Variants in C8orf34 observed in about 807,000 individuals in gnomAD.
The protein encoded by C8orf34 is uncharacterized protein C8orf34.
C8orf34 carries 65 observed loss-of-function variants against 68.3 expected under a neutral mutation model. That is an observed-to-expected ratio of 0.95 (90% CI 0.78 to 1.17). C8orf34 has a LOEUF of 1.17. C8orf34 is among the 50% of genes most tolerant of loss of function. The pLI is 0.00. For missense variants in C8orf34, 664 were observed against 655.4 expected (o/e 1.01, Z -0.14); for synonymous variants, 244 against 241.2 (o/e 1.01, Z -0.11).
chr8:68,355,766 G>A (rs1358551714), intron 1 of C8orf34, among the ~76,000 whole-genome samples: 1 of 152,180 alleles, frequency 6.6e-6, no homozygotes, highest in Non-Finnish European at 1.5e-5. Context: ...AGCCTAGCTT[G>A]CTCCTGCATC....
chr8:68,525,640 C>T, intron 6 of C8orf34: 1 of 726,070 alleles, frequency 1.4e-6, no homozygotes, highest in Non-Finnish European at 2.5e-6. Context: ...GCAGATTATG[C>T]TGCCATTTTT....
intron 8 of C8orf34, among the ~76,000 whole-genome samples, chr8:68,664,100 G>C (rs1819766681): frequency 6.6e-6 from 1 of 152,128 alleles, no homozygotes; most frequent in Non-Finnish European, 1.5e-5. Flanking sequence ...AATGAGCACA[G>C]ACATTTGGGT....
intron 3 of C8orf34, among the ~76,000 whole-genome samples, chr8:68,451,706 A>G (rs1267911300): frequency 2.6e-5 from 4 of 152,062 alleles, no homozygotes; most frequent in Non-Finnish European, 5.9e-5. Flanking sequence ...AGTAATATCA[A>G]AGATCACTGA....
intron 8 of C8orf34, among the ~76,000 whole-genome samples, chr8:68,667,323 G>C (rs1370782809): frequency 6.6e-6 from 1 of 152,054 alleles, no homozygotes; most frequent in Non-Finnish European, 1.5e-5. Flanking sequence ...AGAATCAAAG[G>C]TTCTCAAATT....
chr8:68,438,138 T>G (rs1810740894), intron 1 of C8orf34: 1 of 152,120 alleles, frequency 6.6e-6, no homozygotes, highest in Non-Finnish European at 1.5e-5. Flanking sequence ...ATTCATTCAA[T>G]AGGTATTGAT....
intron 1 of C8orf34, among the ~76,000 whole-genome samples, chr8:68,346,580 C>T (rs1027935141): frequency 6.6e-6 from 1 of 151,996 alleles, no homozygotes; most frequent in African/African-American, 2.4e-5. Flanking sequence ...TCCTAAAATC[C>T]TCTGTGTTTT....
At chr8:68,588,191 C>T (rs559497568) in intron 7 of C8orf34, among the ~76,000 whole-genome samples, 65 of 152,084 alleles carry the variant, frequency 4.3e-4, no homozygotes, top group Admixed American at 1.6e-3. Context: ...TCTGTTAGCT[C>T]GAACCTGTGT....
intron 13 of C8orf34, among the ~76,000 whole-genome samples, chr8:68,816,994 T>A (rs1824840295): frequency 2.0e-5 from 3 of 152,200 alleles, no homozygotes; most frequent in Admixed American, 2.0e-4. Context: ...AAGTGTGCTT[T>A]GTATGACATA....
chr8:68,755,996 G>A (rs1822847543), intron 10 of C8orf34, among the ~76,000 whole-genome samples: 1 of 152,038 alleles, frequency 6.6e-6, no homozygotes, highest in Non-Finnish European at 1.5e-5. Context: ...GAACCCGGGA[G>A]GCGGAGCTTG....
chr8:68,588,173 T>A (rs1817263953), intron 7 of C8orf34, among the ~76,000 whole-genome samples: 1 of 152,120 alleles, frequency 6.6e-6, no homozygotes, highest in Admixed American at 6.6e-5. Flanking sequence ...TTAAGGGAAA[T>A]CTAGTTGTCT....
chr8:68,646,642 C>T (rs1819182028), intron 8 of C8orf34, among the ~76,000 whole-genome samples: 1 of 152,106 alleles, frequency 6.6e-6, no homozygotes, highest in African/African-American at 2.4e-5. Flanking sequence ...TTCCCCCAGC[C>T]TCTGGTAACC....
At chr8:68,735,452 A>G (rs561267738) in intron 10 of C8orf34, among the ~76,000 whole-genome samples, 11 of 152,298 alleles carry the variant, frequency 7.2e-5, no homozygotes, top group Non-Finnish European at 1.5e-4. Flanking sequence ...TTGGGGCTTG[A>G]TGATTTAGAG....
intron 6 of C8orf34, among the ~76,000 whole-genome samples, chr8:68,526,836 G>C (rs558482274): frequency 1.5e-4 from 23 of 152,276 alleles, no homozygotes; most frequent in African/African-American, 5.5e-4. Context: ...CCTATGCTCA[G>C]AAAGAAAGCG....
chr8:68,415,967 C>A (rs1809647387), intron 1 of C8orf34, among the ~76,000 whole-genome samples: 2 of 151,910 alleles, frequency 1.3e-5, no homozygotes, highest in Admixed American at 6.6e-5. Context: ...ATTTATTTAC[C>A]CCAATTTCCT....
chr8:68,679,273 C>T (rs932020256), intron 8 of C8orf34, among the ~76,000 whole-genome samples: 7 of 151,688 alleles, frequency 4.6e-5, no homozygotes, highest in South Asian at 2.1e-4. Flanking sequence ...GGTGACAGAA[C>T]GAGACTTTGT....
chr8:68,370,058 G>C (rs2129619744), intron 1 of C8orf34, among the ~76,000 whole-genome samples: 1 of 152,286 alleles, frequency 6.6e-6, no homozygotes, highest in South Asian at 2.1e-4. Context: ...CTTTGGGAAA[G>C]ATATCCTGAT....
chr8:68,670,643 C>A (rs567503723), intron 8 of C8orf34, among the ~76,000 whole-genome samples: 19 of 152,202 alleles, frequency 1.2e-4, no homozygotes, highest in African/African-American at 4.3e-4. Context: ...CATTTACTGT[C>A]CCCTTGCAAT....
intron 10 of C8orf34, among the ~76,000 whole-genome samples, chr8:68,771,756 G>A (rs2129528380): frequency 6.6e-6 from 1 of 152,170 alleles, no homozygotes; most frequent in East Asian, 1.9e-4. Flanking sequence ...CCCAGCACAT[G>A]GGAGTGCTCA....
In C8orf34 at chr8:68,539,095, G is replaced by T. The variant is rs933060314; in HGVS notation, c.1105+5946G>T. The stretch of plus-strand genomic sequence containing the variant: ...GAAAATGTTTGAAGCAGCACAATTT[G>T]ATGGTTTCACATTAATTCACTGTGT... On this transcript the variant is annotated intron_variant, in intron 7 of 13. Transcript: ENST00000518698. 3.9e-5 allele frequency among the ~76,000 whole-genome samples: 6 copies of T among 152,268 alleles called. No homozygotes were observed. The East Asian group carries it at 9.7e-4, about 25-fold the overall frequency.
Sources: allele counts gnomAD v4.1 joint callset (sites outside exome capture counted in the v4.1 genomes callset), GRCh38; gene constraint gnomAD v4.1.1; transcripts MANE v1.5; gene names NCBI Gene and HGNC (gene_info 2026-07-23, HGNC 2026-07-21).